The following RIPOR2 variants were observed in gnomAD, a reference collection of about 807,000 sequenced individuals.
RIPOR2 encodes the protein rho family-interacting cell polarization regulator 2.
A neutral mutation model predicts 114.5 loss-of-function variants in RIPOR2; 39 were observed. The observed-to-expected ratio is 0.34, with a 90% CI of 0.26 to 0.44. The LOEUF (loss-of-function observed/expected upper bound fraction) is 0.44. Ranked by LOEUF, RIPOR2 falls within the 20% of genes least tolerant of loss-of-function variation. The pLI is 1.00. For missense variants in RIPOR2, 1,007 were observed against 1,255.1 expected, an observed-to-expected ratio of 0.80 and a Z score of 2.99; for synonymous variants, 445 against 484.4, an observed-to-expected ratio of 0.92 and a Z score of 1.07.
intron 1 of RIPOR2, among the ~76,000 whole-genome samples, chr6:24,876,457 C>T (rs1765769914): frequency 6.6e-6 from 1 of 151,794 alleles, no homozygotes. Context: ...ACAATAAAAA[C>T]ACACAAATAG....
chr6:24,999,254 C>T (rs1775187714), intron 1 of RIPOR2, among the ~76,000 whole-genome samples: 1 of 152,198 alleles, frequency 6.6e-6, no homozygotes, highest in Admixed American at 6.5e-5. Flanking sequence ...ACTTAGGTTT[C>T]ACCTAGGACC....
rs189407179 is a variant in RIPOR2 at position 25,005,202 on chromosome 6, A to G, written c.76+36649T>C. 3.3e-5 allele frequency among the ~76,000 whole-genome samples: 5 copies of G among 152,262 alleles called. No individual in the cohort carries two copies. In the East Asian group the frequency reaches 7.7e-4, roughly 23 times the overall value. ...GGCTACTCCTGCAGTAACACTTCAC[A>G]CTGTTGTGGTCACCAGAGGTTGAAG... is the stretch of plus-strand genomic sequence containing the variant. On this transcript the variant is annotated intron_variant, in intron 1 of 13. Transcript: ENST00000510784.
chr6:24,941,831 CT>C (rs1474537385), intron 1 of RIPOR2, among the ~76,000 whole-genome samples: 1 of 152,088 alleles, frequency 6.6e-6, no homozygotes, highest in African/African-American at 2.4e-5. Flanking sequence ...CCCTCCTCCC[CT>C]TTTTTTAACC....
chr6:24,968,387 A>G (rs1206288806), intron 1 of RIPOR2, among the ~76,000 whole-genome samples: 1 of 152,082 alleles, frequency 6.6e-6, no homozygotes, highest in Non-Finnish European at 1.5e-5. Flanking sequence ...TATTTTCTAC[A>G]TTCACTCCTG....
chr6:24,858,005 C>T lies in RIPOR2; in HGVS notation c.715+2968G>A, dbSNP rs934434798. Reference sequence around the variant, plus strand: ...CAGGCTTTCCTCTGTTTGGTGAATGCTATTCTGGTGCTGTTCACCATACAT... The same window carrying T: ...CAGGCTTTCCTCTGTTTGGTGAATGTTATTCTGGTGCTGTTCACCATACAT... On this transcript the variant is annotated intron_variant, in intron 8 of 21. Transcript: ENST00000643898. This position sits in a 1 kb window ranked among gnomAD's most constrained non-coding sequence, Gnocchi z 4.0. 6.6e-5 allele frequency among the ~76,000 whole-genome samples: 10 copies of T among 152,174 alleles called. No homozygotes were observed. The highest frequency in any genetic ancestry group is 1.5e-5 in the Non-Finnish European group (1 of 68,040).
chr6:24,865,346 C>T lies in RIPOR2; in HGVS notation c.606G>A (p.Arg202=). The T allele has an allele frequency of 6.2e-7, 1 of 1,613,558 alleles. No individual in the cohort carries two copies. Among genetic ancestry groups the T allele is most frequent in the Non-Finnish European group, 8.5e-7 (1 of 1,179,700 alleles). The change falls in exon 7 of 22, where the codon CGG becomes CGA. Residue 202 remains arginine (R), a synonymous_variant. Coordinates refer to ENST00000643898, the MANE Select transcript of RIPOR2 (RefSeq NM_001286445.3). ...FATSPASKAA[R]ESLTEINRSF... is the part of the protein sequence containing the mutation. ...TCCGATTGATCTCTGTCAGACTCTCCCGGGCAGCTTTGCTGGCAGGGGATG... is the reference window on the plus strand; with the variant it reads ...TCCGATTGATCTCTGTCAGACTCTCTCGGGCAGCTTTGCTGGCAGGGGATG...
chr6:24,990,665 G>A (rs568798769), intron 1 of RIPOR2, among the ~76,000 whole-genome samples: 4 of 152,240 alleles, frequency 2.6e-5, no homozygotes, highest in South Asian at 4.1e-4. Flanking sequence ...GACTCATAGC[G>A]TGCATTTGTT....
chr6:24,873,709 ATTG>A lies in RIPOR2; in HGVS notation c.276_278del (p.Asn93del). The A allele has an allele frequency of 6.2e-7, 1 of 1,612,018 alleles. No homozygotes were observed. Among genetic ancestry groups the A allele is most frequent in the Non-Finnish European group, 8.5e-7 (1 of 1,179,424 alleles). ...TTTTAGGCTGAGGCTCTTTGGGGGG[ATTG>A]TTGTTTTTGTGGCCTAAATTGTGCA... On this transcript the variant is annotated inframe_deletion, in exon 3 of 22. Coordinates refer to ENST00000643898, the MANE Select transcript of RIPOR2 (RefSeq NM_001286445.3).
intron 1 of RIPOR2, among the ~76,000 whole-genome samples, chr6:24,963,289 T>C (rs1258260279): frequency 6.6e-6 from 1 of 152,188 alleles, no homozygotes. Context: ...AGCCTCGGCC[T>C]CCCAAAGTGC....
At chr6:24,962,405 G>C (rs1270535451) in intron 1 of RIPOR2, among the ~76,000 whole-genome samples, 2 of 152,164 alleles carry the variant, frequency 1.3e-5, no homozygotes, top group African/African-American at 4.8e-5. Flanking sequence ...GGAGGTCGGG[G>C]AGAATAATTA....
At chr6:24,887,864 C>T (rs1027419084) in intron 1 of RIPOR2, among the ~76,000 whole-genome samples, 9 of 152,002 alleles carry the variant, frequency 5.9e-5, no homozygotes, top group East Asian at 1.9e-4. Flanking sequence ...GCTGGCCTCA[C>T]GATAATTAGA....
chr6:24,948,901 C>T (rs757330961), intron 1 of RIPOR2, among the ~76,000 whole-genome samples: 29 of 152,132 alleles, frequency 1.9e-4, no homozygotes, highest in Non-Finnish European at 3.5e-4. Context: ...AACTTTGTAA[C>T]GACCAATGGG....
At chr6:24,882,901 G>A (rs546658014) in intron 1 of RIPOR2, among the ~76,000 whole-genome samples, 3 of 152,244 alleles carry the variant, frequency 2.0e-5, no homozygotes, top group South Asian at 2.1e-4. Flanking sequence ...TAATGAGTCC[G>A]CATTACATGT....
At chr6:24,973,945 A>C (rs529624232) in intron 1 of RIPOR2, among the ~76,000 whole-genome samples, 1 of 152,226 alleles carries the variant, frequency 6.6e-6, no homozygotes, top group African/African-American at 2.4e-5. Flanking sequence ...GGATGACTAG[A>C]GGACGGAGAG....
At chr6:24,986,604 G>A (rs1413437369) in intron 1 of RIPOR2, among the ~76,000 whole-genome samples, 1 of 152,096 alleles carries the variant, frequency 6.6e-6, no homozygotes. Context: ...AGGAAATGTA[G>A]TTGTCCTGCT....
At chr6:24,986,974 T>G (rs944577270) in intron 1 of RIPOR2, among the ~76,000 whole-genome samples, 1 of 152,070 alleles carries the variant, frequency 6.6e-6, no homozygotes, top group Non-Finnish European at 1.5e-5. Flanking sequence ...GTTTACAAAT[T>G]TGTGTTGTGC....
rs578140428 is a variant in RIPOR2 at position 25,039,211 on chromosome 6, A to T, written c.76+2640T>A. ...TTTTAGCAGCTGCAAAATATTGTTG[A>T]GGGCCACCCTTGCAGGCTGACATTT... On this transcript the variant is annotated intron_variant, in intron 1 of 13. Transcript: ENST00000510784. Among the ~76,000 whole-genome samples the T allele has an allele frequency of 5.9e-5, 9 of 152,332 alleles. No homozygotes were observed. The East Asian group carries it at 1.7e-3, about 29-fold the overall frequency.
chr6:24,845,647 C>T (rs1762190382), intron 12 of RIPOR2, among the ~76,000 whole-genome samples: 1 of 152,158 alleles, frequency 6.6e-6, no homozygotes, highest in Non-Finnish European at 1.5e-5. Context: ...AATTGAGATG[C>T]CCTGCCCAAG....
At chr6:25,018,378 A>G (rs1201448444) in intron 1 of RIPOR2, among the ~76,000 whole-genome samples, 2 of 152,250 alleles carry the variant, frequency 1.3e-5, no homozygotes, top group African/African-American at 2.4e-5. Context: ...CCACCAAAAA[A>G]GAGTTTGTAT....
Sources: gnomAD v4.1 joint callset for allele counts (sites outside exome capture counted in the v4.1 genomes callset) on GRCh38, gnomAD v4.1.1 for gene constraint, Gnocchi (gnomAD v3.1) non-coding constraint, MANE v1.5 for transcripts, NCBI Gene and HGNC (gene_info 2026-07-23, HGNC 2026-07-21) for gene names.